The following UNC5B variants were observed in gnomAD, a reference collection of about 807,000 sequenced individuals.
UNC5B encodes unc-5 netrin receptor B.
UNC5B carries 56 observed loss-of-function variants against 103.7 expected under a neutral mutation model. That is an observed-to-expected ratio of 0.54 (90% CI 0.44 to 0.67). The LOEUF (loss-of-function observed/expected upper bound fraction) is 0.67. UNC5B is among the 30% of genes least tolerant of loss of function. The probability of loss-of-function intolerance (pLI) is 0.00; values close to 1 mark genes in which losing one functional copy is unlikely to be tolerated. For missense variants in UNC5B, 1,194 were observed against 1,284.5 expected (o/e 0.93, Z 1.08); for synonymous variants, 577 against 542.0 (o/e 1.06, Z -0.90).
chr10:71,226,061 A>G (rs2132243662), intron 1 of UNC5B, among the ~76,000 whole-genome samples: 1 of 152,168 alleles, frequency 6.6e-6, no homozygotes, highest in East Asian at 1.9e-4. Context: ...AAGCGTTTTT[A>G]TTTATTTTTA....
In UNC5B at chr10:71,293,777, G is replaced by C. The variant is rs1845332596; in HGVS notation, c.2019G>C (p.Leu673=). Residue 673 remains leucine (L), a synonymous_variant, in exon 13 of 17, where the codon CTG becomes CTC. Coordinates refer to ENST00000335350, the MANE Select transcript of UNC5B (RefSeq NM_170744.5). ...CQLEPRACHI[L]LDQLGTYVFT... ...TGGAGCCCAGGGCCTGTCACATCCTGCTGGACCAGCTGGGCACCTACGTGT... is the reference window on the plus strand; with the variant it reads ...TGGAGCCCAGGGCCTGTCACATCCTCCTGGACCAGCTGGGCACCTACGTGT... 1 of 1,601,586 alleles carries C rather than the reference G, an allele frequency of 6.2e-7. No individual in the cohort carries two copies. The highest frequency in any genetic ancestry group is 8.5e-7 in the Non-Finnish European group (1 of 1,174,354).
chr10:71,284,437 T>C (rs1279009425), intron 2 of UNC5B, among the ~76,000 whole-genome samples: 3 of 152,136 alleles, frequency 2.0e-5, no homozygotes, highest in Non-Finnish European at 4.4e-5. Flanking sequence ...ATGAAGGGTC[T>C]CATAACGGGG....
chr10:71,245,574 G>T (rs980913057), intron 1 of UNC5B, among the ~76,000 whole-genome samples: 4 of 152,170 alleles, frequency 2.6e-5, no homozygotes, highest in African/African-American at 9.7e-5. Context: ...AGGCAAAGGG[G>T]TGGATTCATC....
chr10:71,225,964 T>A (rs1843554819), intron 1 of UNC5B, among the ~76,000 whole-genome samples: 2 of 152,244 alleles, frequency 1.3e-5, no homozygotes, highest in Middle Eastern at 3.4e-3. Context: ...GGAGGACCAC[T>A]CAAGCTTCTA....
rs1554858463 is a variant in UNC5B at position 71,213,728 on chromosome 10, A to AAT, written c.79+664_79+665insAT. On this transcript the variant is annotated intron_variant, in intron 1 of 16. Transcript: ENST00000335350. The surrounding 1 kb of genome is among the most constrained non-coding windows in gnomAD (Gnocchi z 4.1). Reference sequence around the variant, plus strand: ...ATTATTAATTTTCTGAGTGTTGGAGAGTGTGTGTGTGTGTGTGTGTGTGTG... The same window carrying AAT: ...ATTATTAATTTTCTGAGTGTTGGAGAATGTGTGTGTGTGTGTGTGTGTGTGTG... Among the ~76,000 whole-genome samples the AAT allele has an allele frequency of 7.6e-6, 1 of 131,474 alleles. No individual in the cohort carries two copies. The highest frequency in any genetic ancestry group is 2.9e-5 in the African/African-American group (1 of 34,208). The allele number at this position is 131,474 out of a possible 152,430, so 86.3% of individuals were successfully genotyped here.
Position 71,299,230 on chromosome 10 carries a change from G to C in UNC5B, c.2791G>C (p.Gly931Arg), listed in dbSNP as rs1310861836. Residue 931 changes from glycine to arginine, a missense_variant, in exon 17 of 17, where the codon GGC becomes CGC. Gly to Arg is a moderately radical substitution (Grantham distance 125). Coordinates refer to ENST00000335350, the MANE Select transcript of UNC5B (RefSeq NM_170744.5). ...NSLASALEEM[G>R]KSEMLVAVAT... ...CCTGGCGAGTGCCTTGGAGGAGATG[G>C]GCAAGAGTGAGATGCTGGTGGCTGT... 6.2e-7 allele frequency: 1 copy of C among 1,614,152 alleles called. No homozygotes were observed. The highest frequency in any genetic ancestry group is 1.1e-5 in the South Asian group (1 of 91,084).
At chr10:71,274,042 G>C (rs1268857297) in intron 1 of UNC5B, among the ~76,000 whole-genome samples, 1 of 152,190 alleles carries the variant, frequency 6.6e-6, no homozygotes, top group Non-Finnish European at 1.5e-5. Context: ...TGTTTAGTTA[G>C]AAGTGTGCTG....
chr10:71,268,629 A>T lies in UNC5B; in HGVS notation c.80-11192A>T, dbSNP rs117134485. ...TTTTCCACTTGGAAATGTGTTTGGCAGTTGCCTCCCCTTTGCGAGGAAGGG... is the reference window on the plus strand; with the variant it reads ...TTTTCCACTTGGAAATGTGTTTGGCTGTTGCCTCCCCTTTGCGAGGAAGGG... On this transcript the variant is annotated intron_variant, in intron 1 of 16. Transcript: ENST00000335350. Among the ~76,000 whole-genome samples, 375 of 152,338 alleles carry T rather than the reference A, an allele frequency of 2.5e-3. 2 individuals are homozygous for T. The highest frequency in any genetic ancestry group is 3.7e-3 in the Admixed American group (56 of 15,300).
intron 1 of UNC5B, among the ~76,000 whole-genome samples, chr10:71,247,795 A>AAGACATGCTTCCT (rs142209120): frequency 0.015 from 2,340 of 152,238 alleles, 44 homozygotes; most frequent in African/African-American, 0.049. Flanking sequence ...GGGCTAAGGG[A>AAGACATGCTTCCT]AGACATGCTT....
intron 1 of UNC5B, among the ~76,000 whole-genome samples, chr10:71,242,612 C>T (rs1843930655): frequency 6.6e-6 from 1 of 152,172 alleles, no homozygotes; most frequent in Admixed American, 6.5e-5. Context: ...AGTTCAGGCC[C>T]TTGTATAGCC....
chr10:71,227,641 CATATACATAT>C (rs1222322709), intron 1 of UNC5B, among the ~76,000 whole-genome samples: 54 of 137,692 alleles, frequency 3.9e-4, no homozygotes, highest in Admixed American at 7.0e-4. Flanking sequence ...TATATATACA[CATATACATAT>C]ATATACATAT....
intron 1 of UNC5B, among the ~76,000 whole-genome samples, chr10:71,275,182 C>T (rs1254929856): frequency 1.3e-5 from 2 of 152,218 alleles, no homozygotes; most frequent in African/African-American, 2.4e-5. Flanking sequence ...GGCGGGATAT[C>T]TGGACCATTC....
intron 1 of UNC5B, among the ~76,000 whole-genome samples, chr10:71,252,364 C>G (rs926574470): frequency 2.6e-5 from 4 of 152,186 alleles, no homozygotes; most frequent in African/African-American, 9.7e-5. Flanking sequence ...AGTGTCCTGC[C>G]ATGAGTCCCA....
intron 1 of UNC5B, among the ~76,000 whole-genome samples, chr10:71,221,274 G>C (rs1001811194): frequency 3.9e-5 from 6 of 152,214 alleles, no homozygotes; most frequent in African/African-American, 1.4e-4. Context: ...AGGTAGAGAA[G>C]GGCCCCACTG....
chr10:71,254,588 G>C (rs531131558), intron 1 of UNC5B, among the ~76,000 whole-genome samples: 4 of 152,206 alleles, frequency 2.6e-5, no homozygotes, highest in South Asian at 2.1e-4. Context: ...GGCTGGGTTG[G>C]GGGGAGGGAG....
At chr10:71,244,834 G>T (rs527544108) in intron 1 of UNC5B, among the ~76,000 whole-genome samples, 4 of 152,190 alleles carry the variant, frequency 2.6e-5, no homozygotes, top group African/African-American at 4.8e-5. Flanking sequence ...GCGTGCTGGC[G>T]TGCTTGTGTG....
intron 1 of UNC5B, among the ~76,000 whole-genome samples, chr10:71,266,794 T>C (rs1227829738): frequency 6.6e-6 from 1 of 152,160 alleles, no homozygotes; most frequent in Non-Finnish European, 1.5e-5. Flanking sequence ...CAGTTACCCA[T>C]GGCCAACTGT....
At position 71,292,640 on chromosome 10, in the gene UNC5B, G is replaced by A. The variant is rs907062171; in HGVS notation, c.1772+86G>A. 13 of 1,190,298 alleles carry A rather than the reference G, an allele frequency of 1.1e-5. No homozygotes were observed. In the African/African-American group the frequency reaches 2.0e-4, roughly 18 times the overall value. The allele number at this position is 1,190,298 out of a possible 1,614,324, so 73.7% of individuals were successfully genotyped here. A position where few individuals can be genotyped will look rare whatever the true frequency, so the allele number is the denominator to read the frequency against. ...ACGTGGCTCCCCTTCTAAGCCTGAT[G>A]CCAAGACCAAACAGTCCTCCAAGGA... On this transcript the variant is annotated intron_variant, in intron 11 of 16. Transcript: ENST00000335350.
At chr10:71,218,083 G>A (rs569300272) in intron 1 of UNC5B, 3 of 149,194 alleles carry the variant, frequency 2.0e-5, no homozygotes, top group Admixed American at 6.6e-5. Context: ...TGTGGGGGGT[G>A]AGAATGTGTA....
Sources: gnomAD v4.1 joint callset for allele counts (sites outside exome capture counted in the v4.1 genomes callset) on GRCh38, gnomAD v4.1.1 for gene constraint, Gnocchi (gnomAD v3.1) non-coding constraint, MANE v1.5 for transcripts, NCBI Gene and HGNC (gene_info 2026-07-23, HGNC 2026-07-21) for gene names.